The following ARHGAP15 variants were observed in gnomAD, a reference collection of about 807,000 sequenced individuals.
ARHGAP15 encodes rho GTPase-activating protein 15.
In ARHGAP15, 51 loss-of-function variants were observed where a neutral mutation model predicts 63.7. The ratio of observed to expected loss-of-function variants is 0.80; its 90% CI spans 0.64 to 1.01. The LOEUF is 1.01. ARHGAP15 is among the 50% of genes least tolerant of loss of function. The probability of loss-of-function intolerance (pLI) is 0.00; values close to 1 mark genes in which losing one functional copy is unlikely to be tolerated. For synonymous variants in ARHGAP15, 191 were observed against 193.8 expected, an observed-to-expected ratio of 0.99 and a Z score of 0.12; for missense variants, 560 against 564.6, an observed-to-expected ratio of 0.99 and a Z score of 0.08.
intron 11 of ARHGAP15, among the ~76,000 whole-genome samples, chr2:143,577,725 C>T (rs1397729700): frequency 1.3e-5 from 2 of 152,122 alleles, no homozygotes; most frequent in Non-Finnish European, 2.9e-5. Context: ...CTGAATCACT[C>T]ACTGTGGCTA....
At chr2:143,387,100 G>A (rs1200783387) in intron 6 of ARHGAP15, among the ~76,000 whole-genome samples, 1 of 151,976 alleles carries the variant, frequency 6.6e-6, no homozygotes, top group African/African-American at 2.4e-5. Flanking sequence ...AAACTGCCGT[G>A]ACACAAGTTT....
At chr2:143,725,211 T>C (rs1281769981) in intron 13 of ARHGAP15, among the ~76,000 whole-genome samples, 1 of 152,202 alleles carries the variant, frequency 6.6e-6, no homozygotes, top group Non-Finnish European at 1.5e-5. Context: ...AAATTGCACA[T>C]AAAACCTTTT....
At chr2:143,664,213 CTA>C (rs987085790) in intron 12 of ARHGAP15, among the ~76,000 whole-genome samples, 3 of 152,172 alleles carry the variant, frequency 2.0e-5, no homozygotes, top group Admixed American at 2.0e-4. Flanking sequence ...TTACAACAAA[CTA>C]TCTCTCAGAC....
At chr2:143,672,365 T>G (rs1682570667) in intron 12 of ARHGAP15, among the ~76,000 whole-genome samples, 1 of 152,166 alleles carries the variant, frequency 6.6e-6, no homozygotes, top group Admixed American at 6.5e-5. Context: ...AGTGGCTCAT[T>G]GTTAGAATAC....
chr2:143,259,074 C>T (rs1025422296), intron 6 of ARHGAP15, among the ~76,000 whole-genome samples: 1 of 151,888 alleles, frequency 6.6e-6, no homozygotes, highest in South Asian at 2.1e-4. Context: ...TCAAAATTCC[C>T]ATGCCCTTGA....
chr2:143,183,615 A>T (rs771261694), intron 2 of ARHGAP15, among the ~76,000 whole-genome samples: 1 of 152,180 alleles, frequency 6.6e-6, no homozygotes, highest in Non-Finnish European at 1.5e-5. Context: ...GAACAGCCGA[A>T]AGGGTCCCTC....
chr2:143,407,203 G>T (rs964998739), intron 6 of ARHGAP15, among the ~76,000 whole-genome samples: 1 of 151,672 alleles, frequency 6.6e-6, no homozygotes, highest in African/African-American at 2.4e-5. Flanking sequence ...AAGCTTCATT[G>T]TTTTCTTAGT....
intron 6 of ARHGAP15, among the ~76,000 whole-genome samples, chr2:143,371,366 G>A (rs1249853904): frequency 6.6e-6 from 1 of 152,108 alleles, no homozygotes; most frequent in Non-Finnish European, 1.5e-5. Context: ...TGAAGAAAGA[G>A]TTTTATATAT....
chr2:143,527,856 T>C (rs1694346263), intron 10 of ARHGAP15, among the ~76,000 whole-genome samples: 1 of 152,134 alleles, frequency 6.6e-6, no homozygotes, highest in South Asian at 2.1e-4. Flanking sequence ...ATGCATATAG[T>C]TGATAGTATA....
intron 12 of ARHGAP15, among the ~76,000 whole-genome samples, chr2:143,671,975 G>A (rs1284239992): frequency 3.3e-5 from 5 of 152,040 alleles, no homozygotes; most frequent in African/African-American, 9.7e-5. Context: ...TCCATAATAG[G>A]AACTTTACAG....
At chr2:143,161,203 A>G (rs1264734967) in intron 2 of ARHGAP15, among the ~76,000 whole-genome samples, 1 of 151,950 alleles carries the variant, frequency 6.6e-6, no homozygotes, top group Non-Finnish European at 1.5e-5. Context: ...CTAGCTAATT[A>G]TGTAGATGAC....
At chr2:143,291,239 A>C (rs1385156656) in intron 6 of ARHGAP15, among the ~76,000 whole-genome samples, 2 of 152,184 alleles carry the variant, frequency 1.3e-5, no homozygotes, top group Non-Finnish European at 2.9e-5. Flanking sequence ...AATGTACTAA[A>C]GACAGTTTGA....
At chr2:143,231,984 T>C (rs1693462684) in intron 5 of ARHGAP15, among the ~76,000 whole-genome samples, 1 of 152,314 alleles carries the variant, frequency 6.6e-6, no homozygotes, top group African/African-American at 2.4e-5. Context: ...GGCATCACAC[T>C]GGGGTTTAAG....
intron 8 of ARHGAP15, among the ~76,000 whole-genome samples, chr2:143,477,209 C>T (rs560302496): frequency 2.5e-4 from 37 of 148,702 alleles, no homozygotes; most frequent in African/African-American, 9.4e-4. Flanking sequence ...CACACACACT[C>T]GCGCACACAC....
In ARHGAP15 at chr2:143,345,000, C is replaced by T. The variant is rs137899424; in HGVS notation, c.475-90601C>T. On this transcript the variant is annotated intron_variant, in intron 6 of 13. Transcript: ENST00000295095. ...TCTCTGATTTTCTCAGAAGGCCTCT[C>T]TTACTTCAACAAGGTGTGATTCAAC... Among the ~76,000 whole-genome samples the T allele has an allele frequency of 2.8e-3, 425 of 152,198 alleles. 5 individuals are homozygous for T. Among genetic ancestry groups the T allele is most frequent in the South Asian group, 0.024 (117 of 4,822 alleles).
At chr2:143,422,978 G>GT (rs1281203493) in intron 6 of ARHGAP15, among the ~76,000 whole-genome samples, 1 of 152,120 alleles carries the variant, frequency 6.6e-6, no homozygotes, top group Non-Finnish European at 1.5e-5. Context: ...GTCACTTTGG[G>GT]TTATAGCAAA....
chr2:143,389,686 T>G (rs1381994909), intron 6 of ARHGAP15, among the ~76,000 whole-genome samples: 2 of 152,200 alleles, frequency 1.3e-5, no homozygotes, highest in East Asian at 3.9e-4. Context: ...AATATTCATC[T>G]GTGCTGAAAC....
chr2:143,321,933 C>A (rs549356535), intron 6 of ARHGAP15, among the ~76,000 whole-genome samples: 1 of 152,274 alleles, frequency 6.6e-6, no homozygotes, highest in South Asian at 2.1e-4. Flanking sequence ...CTGCCTTGGC[C>A]ACAATTATCT....
chr2:143,668,741 C>A (rs768280612), intron 12 of ARHGAP15, among the ~76,000 whole-genome samples: 2 of 152,158 alleles, frequency 1.3e-5, no homozygotes, highest in African/African-American at 4.8e-5. Context: ...TTATTGCAAT[C>A]CTTTGATGAG....
Sources: gnomAD v4.1 joint callset for allele counts (sites outside exome capture counted in the v4.1 genomes callset) on GRCh38, gnomAD v4.1.1 for gene constraint, MANE v1.5 for transcripts, NCBI Gene and HGNC (gene_info 2026-07-23, HGNC 2026-07-21) for gene names.